ANK3: variants seen among roughly 807,000 people sequenced by gnomAD.
ANK3 encodes the protein ankyrin 3.
A neutral mutation model predicts 370.9 loss-of-function variants in ANK3; 57 were observed. That is an observed-to-expected ratio of 0.15 (90% CI 0.12 to 0.19). The LOEUF (loss-of-function observed/expected upper bound fraction) is 0.19. Among genes scored for constraint, ANK3 ranks in the 10% least tolerant of loss-of-function variants. ANK3 has a pLI of 1.00. For synonymous variants in ANK3, 1,929 were observed against 1,946.3 expected, an observed-to-expected ratio of 0.99 and a Z score of 0.23; for missense variants, 4,439 against 5,302.1, an observed-to-expected ratio of 0.84 and a Z score of 5.06.
intron 2 of ANK3, among the ~76,000 whole-genome samples, chr10:60,526,653 C>A (rs896588654): frequency 6.6e-6 from 1 of 151,958 alleles, no homozygotes; most frequent in Non-Finnish European, 1.5e-5. Context: ...TTTCCCAGTG[C>A]CAAATTAATA....
chr10:60,716,224 A>G (rs1011694355), intron 1 of ANK3, among the ~76,000 whole-genome samples: 5 of 152,176 alleles, frequency 3.3e-5, no homozygotes, highest in Non-Finnish European at 1.5e-5. Flanking sequence ...ATTAACTTTA[A>G]AAAATTAACT....
At chr10:60,381,410 G>A (rs765623121) in intron 1 of ANK3, among the ~76,000 whole-genome samples, 62 of 152,144 alleles carry the variant, frequency 4.1e-4, no homozygotes, top group Admixed American at 5.2e-4. Context: ...TAACATATGA[G>A]TCTTCAGGAG....
rs570826061 is a variant in ANK3, at chr10:60,246,188, G to A, written c.799-11402C>T. 8.0e-5 allele frequency among the ~76,000 whole-genome samples: 12 copies of A among 149,942 alleles called. No homozygotes were observed. The East Asian group carries it at 1.6e-3, about 20-fold the overall frequency. ...CGAGAATTGCTTGACCCTGGGAAGC[G>A]GAGCTTGCAGTGAGCTGAGATTGTG... On this transcript the variant is annotated intron_variant, in intron 7 of 43. Coordinates refer to ENST00000280772, the MANE Select transcript of ANK3 (RefSeq NM_020987.5).
chr10:60,496,210 T>C (rs535401514), intron 2 of ANK3, among the ~76,000 whole-genome samples: 7 of 152,198 alleles, frequency 4.6e-5, no homozygotes, highest in African/African-American at 1.2e-4. Flanking sequence ...CAGTCACCCA[T>C]TGAACCCAAG....
chr10:60,594,763 T>C (rs937489776), intron 2 of ANK3, among the ~76,000 whole-genome samples: 1 of 152,196 alleles, frequency 6.6e-6, no homozygotes, highest in Admixed American at 6.5e-5. Flanking sequence ...GGCATTCCTT[T>C]GTGAACTATT....
intron 28 of ANK3, among the ~76,000 whole-genome samples, chr10:60,103,460 GT>G (rs1565025898): frequency 7.1e-6 from 1 of 141,338 alleles, no homozygotes; most frequent in East Asian, 2.1e-4. Flanking sequence ...CAAGGAAGAA[GT>G]TGGCTTTTTA....
intron 5 of ANK3, among the ~76,000 whole-genome samples, chr10:60,266,639 C>T (rs1235909378): frequency 6.6e-6 from 1 of 152,122 alleles, no homozygotes; most frequent in Admixed American, 6.5e-5. Flanking sequence ...TGCAACTGAG[C>T]CGATTAGCAG....
At chr10:60,595,540 G>T (rs189536674) in intron 2 of ANK3, among the ~76,000 whole-genome samples, 2 of 152,126 alleles carry the variant, frequency 1.3e-5, no homozygotes, top group Non-Finnish European at 2.9e-5. Context: ...ACCAACCTTA[G>T]GTTTTACAAT....
At chr10:60,522,922 C>A (rs1321168046) in intron 2 of ANK3, among the ~76,000 whole-genome samples, 1 of 152,038 alleles carries the variant, frequency 6.6e-6, no homozygotes, top group East Asian at 1.9e-4. Context: ...AGACACAAAA[C>A]CTCTTCTACA....
intron 2 of ANK3, among the ~76,000 whole-genome samples, chr10:60,527,991 CA>C (rs1283120236): frequency 1.3e-5 from 2 of 152,162 alleles, no homozygotes; most frequent in African/African-American, 4.8e-5. Context: ...CATCAACCTT[CA>C]GATTAAACGA....
chr10:60,157,887 AGAGAG>A (rs2095387227), intron 23 of ANK3, among the ~76,000 whole-genome samples: 2 of 4,458 alleles, frequency 4.5e-4, no homozygotes, highest in African/African-American at 7.2e-4. Context: ...AGAGAGAAAA[AGAGAG>A]AGAGAGAGAG....
At chr10:60,063,334 C>A (rs922923447) in intron 39 of ANK3, 80 bp from the exon 40 acceptor site, 2 of 1,412,942 alleles carry the variant, frequency 1.4e-6, no homozygotes, top group East Asian at 4.9e-5. Context: ...AAAGGCATGG[C>A]TTTTGCAGCC....
chr10:60,037,600 G>A (rs151241488), intron 43 of ANK3, among the ~76,000 whole-genome samples: 120 of 150,726 alleles, frequency 8.0e-4, no homozygotes, highest in African/African-American at 1.8e-3. Context: ...TCTATGTTCC[G>A]TTCCTGCAAA....
rs144570754 is a variant in ANK3 at position 60,644,152 on chromosome 10, T to C, written c.58-28928A>G. Among the ~76,000 whole-genome samples, 225 of 152,176 alleles carry C rather than the reference T, an allele frequency of 1.5e-3. 2 individuals are homozygous for C. Among genetic ancestry groups the C allele is most frequent in the Admixed American group, 0.014 (212 of 15,272 alleles). The stretch of plus-strand genomic sequence containing the variant: ...TTTGCTTATCTGTTGGAGAAGAGAG[T>C]AATGAATGTAAGATGACTTCTCGTC... On this transcript the variant is annotated intron_variant, in intron 1 of 43. Coordinates refer to the ANK3 transcript ENST00000373827.
At chr10:60,658,165 A>T (rs2078891078) in intron 1 of ANK3, among the ~76,000 whole-genome samples, 1 of 151,346 alleles carries the variant, frequency 6.6e-6, no homozygotes. Context: ...CTGCCTTTTC[A>T]TTGGAGTGTT....
At chr10:60,468,992 AG>A (rs2065077111) in intron 2 of ANK3, among the ~76,000 whole-genome samples, 1 of 28,676 alleles carries the variant, frequency 3.5e-5, no homozygotes, top group Non-Finnish European at 6.8e-5. Flanking sequence ...TACCACTTTT[AG>A]TGTGTATATA....
At chr10:60,269,812 A>G (rs2097940663) in intron 5 of ANK3, among the ~76,000 whole-genome samples, 1 of 152,192 alleles carries the variant, frequency 6.6e-6, no homozygotes, top group Non-Finnish European at 1.5e-5. Flanking sequence ...CAATTACTCC[A>G]AAACAATGAT....
At chr10:60,601,801 G>T (rs1328827919) in intron 2 of ANK3, among the ~76,000 whole-genome samples, 1 of 152,056 alleles carries the variant, frequency 6.6e-6, no homozygotes, top group Non-Finnish European at 1.5e-5. Context: ...GGGGAAACTG[G>T]GCATGGAGTC....
At chr10:60,726,224 A>G (rs1357195770) in intron 1 of ANK3, among the ~76,000 whole-genome samples, 2 of 152,148 alleles carry the variant, frequency 1.3e-5, no homozygotes, top group African/African-American at 4.8e-5. Context: ...AAAAAAAAAC[A>G]GACACAGTTA....
Sources: allele counts gnomAD v4.1 joint callset (sites outside exome capture counted in the v4.1 genomes callset), GRCh38; gene constraint gnomAD v4.1.1; transcripts MANE v1.5; gene names NCBI Gene and HGNC (gene_info 2026-07-23, HGNC 2026-07-21).